The following CFAP77 variants were observed in gnomAD, a reference collection of about 807,000 sequenced individuals.
CFAP77 encodes the protein cilia and flagella associated protein 77.
A neutral mutation model predicts 31.1 loss-of-function variants in CFAP77; 25 were observed. The ratio of observed to expected loss-of-function variants is 0.80; its 90% CI spans 0.59 to 1.12. CFAP77 has a LOEUF of 1.12. Ranked by LOEUF, CFAP77 falls within the 50% of genes most tolerant of loss-of-function variation. The pLI is 0.00. For missense variants in CFAP77, 377 were observed against 397.3 expected, an observed-to-expected ratio of 0.95 and a Z score of 0.44; for synonymous variants, 151 against 159.9, an observed-to-expected ratio of 0.94 and a Z score of 0.42.
intron 3 of CFAP77, among the ~76,000 whole-genome samples, chr9:132,513,016 A>C (rs1321881991): frequency 1.3e-5 from 2 of 152,158 alleles, no homozygotes; most frequent in African/African-American, 4.8e-5. Context: ...TATTTTTTTA[A>C]TTTAAAAAAA....
intron 5 of CFAP77, among the ~76,000 whole-genome samples, chr9:132,549,769 G>T (rs1852795419): frequency 6.6e-6 from 1 of 152,192 alleles, no homozygotes; most frequent in Admixed American, 6.5e-5. Context: ...AGCCACGGAG[G>T]TGGAGGTTGT....
chr9:132,485,058 G>A (rs1382670359), intron 1 of CFAP77, among the ~76,000 whole-genome samples: 2 of 151,868 alleles, frequency 1.3e-5, no homozygotes, highest in Admixed American at 1.3e-4. Context: ...CATTTTGGCC[G>A]GGCTAGTCTC....
chr9:132,522,023 A>G (rs751973531), intron 3 of CFAP77, among the ~76,000 whole-genome samples: 1 of 151,992 alleles, frequency 6.6e-6, no homozygotes, highest in South Asian at 2.1e-4. Context: ...CGGCCTCCCA[A>G]AGTGGTGGGA....
intron 1 of CFAP77, among the ~76,000 whole-genome samples, chr9:132,426,109 T>C (rs1355986609): frequency 1.3e-5 from 2 of 152,210 alleles, no homozygotes; most frequent in African/African-American, 4.8e-5. Flanking sequence ...AAAATATGTA[T>C]ATTTCTTTGT....
intron 1 of CFAP77, among the ~76,000 whole-genome samples, chr9:132,411,071 C>A (rs1458321763): frequency 6.6e-6 from 1 of 152,240 alleles, no homozygotes; most frequent in African/African-American, 2.4e-5. Context: ...CGGTTTCGGG[C>A]TGGATCACTT....
At chr9:132,537,526 G>C in intron 3 of CFAP77, 75 bp from the exon 4 acceptor site, 1 of 1,065,136 alleles carries the variant, frequency 9.4e-7, no homozygotes, top group Non-Finnish European at 1.4e-6. Flanking sequence ...GGAGGCTCCC[G>C]GGGGCGGGCG....
At chr9:132,477,334 G>A (rs562806687) in intron 1 of CFAP77, among the ~76,000 whole-genome samples, 39 of 152,264 alleles carry the variant, frequency 2.6e-4, no homozygotes, top group African/African-American at 8.7e-4. Flanking sequence ...CACCTACTAC[G>A]TGCCAAGAAC....
In CFAP77 at chr9:132,552,695, CAA is replaced by C. The variant is rs571136796; in HGVS notation, c.732+9664_732+9665del. Among the ~76,000 whole-genome samples the C allele has an allele frequency of 2.8e-4, 25 of 89,934 alleles. No homozygotes were observed. The highest frequency in any genetic ancestry group is 3.0e-4 in the African/African-American group (8 of 26,800). 59.0% of individuals were successfully genotyped at this position (89,934 alleles called of 152,430 possible). A position where few individuals can be genotyped will look rare whatever the true frequency, so the allele number is the denominator to read the frequency against. On this transcript the variant is annotated intron_variant, in intron 5 of 5. Transcript: ENST00000393216. The surrounding 1 kb of genome is among the most constrained non-coding windows in gnomAD (Gnocchi z 5.5). ...CAGGTGACAGGGTGAGACTCCATCTCAAAAAAAAAAAAAAAAAGCAGAGTCCA... is the reference window on the plus strand; with the variant it reads ...CAGGTGACAGGGTGAGACTCCATCTCAAAAAAAAAAAAAAAGCAGAGTCCA...
At chr9:132,425,861 TC>T (rs1850304200) in intron 1 of CFAP77, among the ~76,000 whole-genome samples, 1 of 152,228 alleles carries the variant, frequency 6.6e-6, no homozygotes, top group African/African-American at 2.4e-5. Flanking sequence ...ACACGGTGTG[TC>T]CGTAAACTTT....
At chr9:132,454,735 C>G (rs746723435) in intron 1 of CFAP77, among the ~76,000 whole-genome samples, 1 of 152,198 alleles carries the variant, frequency 6.6e-6, no homozygotes, top group Non-Finnish European at 1.5e-5. Flanking sequence ...GGCAGACATA[C>G]CTATAACGTA....
chr9:132,448,334 A>G (rs1564207485), intron 1 of CFAP77, among the ~76,000 whole-genome samples: 2 of 152,142 alleles, frequency 1.3e-5, no homozygotes, highest in Non-Finnish European at 2.9e-5. Flanking sequence ...AAAACACATC[A>G]CTGCTGAGGC....
chr9:132,440,443 C>T (rs944333417), intron 1 of CFAP77, among the ~76,000 whole-genome samples: 2 of 152,194 alleles, frequency 1.3e-5, no homozygotes, highest in Non-Finnish European at 2.9e-5. Flanking sequence ...ATCAAATCCT[C>T]TTAACAACCT....
intron 1 of CFAP77, among the ~76,000 whole-genome samples, chr9:132,442,117 C>T (rs1395045423): frequency 6.6e-6 from 1 of 152,116 alleles, no homozygotes; most frequent in Admixed American, 6.6e-5. Context: ...GACATAGCCC[C>T]CGCCCTCCCT....
At chr9:132,548,570 C>T (rs1378374465) in intron 5 of CFAP77, among the ~76,000 whole-genome samples, 4 of 152,074 alleles carry the variant, frequency 2.6e-5, no homozygotes, top group African/African-American at 4.8e-5. Context: ...GCCCCAGCAG[C>T]GAGGCCTGCT....
Position 132,470,447 on chromosome 9 carries a change from C to T in CFAP77, c.196-28248C>T, listed in dbSNP as rs544336573. On this transcript the variant is annotated intron_variant, in intron 1 of 5. Coordinates refer to ENST00000393216, the MANE Select transcript of CFAP77 (RefSeq NM_001282957.2). ...TGAGTCCTCAGCCCTAAGTGGCTACCGAGGTGGTGGTGACAGTGCTGGGAA... is the reference window on the plus strand; with the variant it reads ...TGAGTCCTCAGCCCTAAGTGGCTACTGAGGTGGTGGTGACAGTGCTGGGAA... Among the ~76,000 whole-genome samples the T allele has an allele frequency of 6.8e-4, 104 of 152,238 alleles. 1 individual carries two copies. The highest frequency in any genetic ancestry group is 2.4e-3 in the African/African-American group (100 of 41,540).
chr9:132,489,363 C>A (rs1305155383), intron 1 of CFAP77, among the ~76,000 whole-genome samples: 1 of 152,072 alleles, frequency 6.6e-6, no homozygotes, highest in Non-Finnish European at 1.5e-5. Context: ...AGTATTGGGG[C>A]GTGGCTGGGA....
At chr9:132,531,761 G>A (rs1358946089) in intron 3 of CFAP77, among the ~76,000 whole-genome samples, 2 of 152,166 alleles carry the variant, frequency 1.3e-5, no homozygotes, top group African/African-American at 4.8e-5. Context: ...GGCACAGCCT[G>A]CCGGTCTCCT....
rs181497863 is a variant in CFAP77 at position 132,535,377 on chromosome 9, G to A, written c.525-2224G>A. On this transcript the variant is annotated intron_variant, in intron 3 of 5. Transcript: ENST00000393216. Reference sequence around the variant, plus strand: ...TTTCCTCATGGTTCTTTTTATCCTCGGGATATCTTACGCTAGGGATATTCT... The same window carrying A: ...TTTCCTCATGGTTCTTTTTATCCTCAGGATATCTTACGCTAGGGATATTCT... Among the ~76,000 whole-genome samples the A allele has an allele frequency of 5.1e-3, 779 of 152,164 alleles. 3 individuals are homozygous for A. The highest frequency in any genetic ancestry group is 0.012 in the Admixed American group (185 of 15,290).
chr9:132,412,525 G>T lies in CFAP77; in HGVS notation c.195+2059G>T, dbSNP rs140856697. On this transcript the variant is annotated intron_variant, in intron 1 of 5. Coordinates refer to ENST00000393216, the MANE Select transcript of CFAP77 (RefSeq NM_001282957.2). ...GAAATTGACCGCAAAAGGGAACCTT[G>T]ACTGTTATCTTTTCTGGACCCTTTT... Among the ~76,000 whole-genome samples, 7 of 152,138 alleles carry T rather than the reference G, an allele frequency of 4.6e-5. No homozygotes were observed. The East Asian group carries it at 1.4e-3, about 29-fold the overall frequency.
Sources: allele counts gnomAD v4.1 joint callset (sites outside exome capture counted in the v4.1 genomes callset), GRCh38; gene constraint gnomAD v4.1.1; non-coding constraint Gnocchi (gnomAD v3.1); transcripts MANE v1.5; gene names NCBI Gene and HGNC (gene_info 2026-07-23, HGNC 2026-07-21).